Variants in AGR3 observed in about 807,000 individuals in gnomAD.
AGR3 encodes the protein anterior gradient 3, protein disulphide isomerase family member.
In AGR3, 37 loss-of-function variants were observed where a neutral mutation model predicts 24.5. That is an observed-to-expected ratio of 1.51 (90% CI 1.16 to 1.99). The LOEUF is 1.99. AGR3 is among the 30% of genes most tolerant of loss of function. The pLI, the probability that AGR3 is intolerant of heterozygous loss-of-function variation, is 0.00. For missense variants in AGR3, 228 were observed against 191.1 expected (o/e 1.19, Z -1.14); for synonymous variants, 75 against 61.6 (o/e 1.22, Z -1.02).
In AGR3 at chr7:16,864,442, T is replaced by A. The variant is rs1359950457; in HGVS notation, c.174-1780A>T. ...TTCACCCAGAGATTCCTCTGCAGAA[T>A]GTCCTCCGTTAAGCTGGGCTTCATC... On this transcript the variant is annotated intron_variant, in intron 3 of 7. Coordinates refer to ENST00000310398, the MANE Select transcript of AGR3 (RefSeq NM_176813.5). 4 of 1,301,708 alleles carry A rather than the reference T, an allele frequency of 3.1e-6. No homozygotes were observed. The African/African-American group carries it at 5.9e-5, about 19-fold the overall frequency. The allele number at this position is 1,301,708 out of a possible 1,614,324, so 80.6% of individuals were successfully genotyped here. A position where few individuals can be genotyped will look rare whatever the true frequency, so the allele number is the denominator to read the frequency against.
intron 3 of AGR3, chr7:16,864,742 G>T (rs561589652): frequency 6.6e-6 from 9 of 1,361,972 alleles, no homozygotes; most frequent in African/African-American, 4.3e-5. Context: ...TGTGTGCGAG[G>T]GTCAAAAACT....
intron 4 of AGR3, among the ~76,000 whole-genome samples, 198 bp from the exon 5 acceptor site, chr7:16,862,258 G>T (rs1354891387): frequency 6.6e-6 from 1 of 152,134 alleles, no homozygotes; most frequent in Non-Finnish European, 1.5e-5. Context: ...GACATCAAAG[G>T]ATAATCACAG....
intron 2 of AGR3, among the ~76,000 whole-genome samples, chr7:16,877,082 G>C (rs997180800): frequency 6.6e-6 from 1 of 151,736 alleles, no homozygotes; most frequent in Non-Finnish European, 1.5e-5. Context: ...TTGTGTGTTT[G>C]TTAAACTGAA....
intron 3 of AGR3, among the ~76,000 whole-genome samples, chr7:16,869,673 G>GTTT (rs71007797): frequency 4.0e-5 from 5 of 125,920 alleles, no homozygotes; most frequent in South Asian, 2.6e-4. Context: ...TTGTGAGTTT[G>GTTT]TTTTTTTTTT....
At chr7:16,860,884 T>C (rs945047108) in intron 6 of AGR3, among the ~76,000 whole-genome samples, 24 of 152,234 alleles carry the variant, frequency 1.6e-4, no homozygotes, top group Non-Finnish European at 2.1e-4. Flanking sequence ...CTCATATTTA[T>C]ATGTGTGAAC....
intron 3 of AGR3, among the ~76,000 whole-genome samples, chr7:16,863,707 A>G (rs1781692580): frequency 6.6e-6 from 1 of 151,944 alleles, no homozygotes; most frequent in Admixed American, 6.6e-5. Context: ...TAAATCTTAG[A>G]TATGCCACTG....
At chr7:16,869,442 G>T (rs1781822672) in intron 3 of AGR3, among the ~76,000 whole-genome samples, 1 of 152,050 alleles carries the variant, frequency 6.6e-6, no homozygotes, top group Admixed American at 6.6e-5. Context: ...TCAAGGTGAA[G>T]TGAGGCCTGG....
rs79103361 is a variant in AGR3, at chr7:16,865,179, C to A, written c.174-2517G>T. 3,880 of 745,776 alleles carry A rather than the reference C, an allele frequency of 5.2e-3. 104 individuals carry two copies. In the African/African-American group the frequency reaches 0.06, roughly 12 times the overall value. 46.2% of individuals were successfully genotyped at this position (745,776 alleles called of 1,614,324 possible). On this transcript the variant is annotated intron_variant, in intron 3 of 7. Coordinates refer to ENST00000310398, the MANE Select transcript of AGR3 (RefSeq NM_176813.5). ...TTGGACCTCTTGACTTTCAAAAACCCTATCAGTTTTTTTTCTTTGTTTTGA... is the reference window on the plus strand; with the variant it reads ...TTGGACCTCTTGACTTTCAAAAACCATATCAGTTTTTTTTCTTTGTTTTGA...
chr7:16,880,622 T>C (rs1476775723), intron 1 of AGR3, among the ~76,000 whole-genome samples: 2 of 145,372 alleles, frequency 1.4e-5, no homozygotes, highest in Admixed American at 1.4e-4. Context: ...TCCAGGCATA[T>C]AAAAACCCTG....
chr7:16,875,170 G>A (rs1013074683), intron 2 of AGR3, among the ~76,000 whole-genome samples: 22 of 150,796 alleles, frequency 1.5e-4, no homozygotes, highest in African/African-American at 4.6e-4. Context: ...GTATATCCAC[G>A]AAGTTGTGCA....
intron 3 of AGR3, among the ~76,000 whole-genome samples, chr7:16,868,527 T>C (rs1323214607): frequency 6.6e-6 from 1 of 152,170 alleles, no homozygotes; most frequent in Non-Finnish European, 1.5e-5. Context: ...CATTTTTGTT[T>C]TGTTATTGAG....
At chr7:16,860,429 C>A in intron 7 of AGR3, 71 bp downstream of exon 7, 1 of 1,147,656 alleles carries the variant, frequency 8.7e-7, no homozygotes, top group South Asian at 1.2e-5. Flanking sequence ...TGATGTAGGG[C>A]TTCACTAGCC....
Position 16,878,626 on chromosome 7 carries a change from A to G in AGR3, c.-8T>C, listed in dbSNP as rs1469080385. ...AGCTGAGTGTAGCATCATGTCTTCTAGAGACTCTCTCAGAAGAAGCTAGAT... is the reference window on the plus strand; with the variant it reads ...AGCTGAGTGTAGCATCATGTCTTCTGGAGACTCTCTCAGAAGAAGCTAGAT... On this transcript the variant is annotated 5_prime_UTR_variant, in exon 2 of 8. Coordinates refer to ENST00000310398, the MANE Select transcript of AGR3 (RefSeq NM_176813.5). 1.1e-5 allele frequency: 18 copies of G among 1,609,596 alleles called. No homozygotes were observed. The highest frequency in any genetic ancestry group is 5.0e-5 in the Admixed American group (3 of 59,928).
At chr7:16,871,209 A>C (rs111794490) in intron 3 of AGR3, among the ~76,000 whole-genome samples, 6 of 152,322 alleles carry the variant, frequency 3.9e-5, no homozygotes, top group African/African-American at 1.2e-4. Flanking sequence ...AAGCTTGTAT[A>C]CTGCCTAATA....
At chr7:16,876,063 G>A (rs998225467) in intron 2 of AGR3, among the ~76,000 whole-genome samples, 2 of 152,170 alleles carry the variant, frequency 1.3e-5, no homozygotes, top group African/African-American at 4.8e-5. Flanking sequence ...AGGAACATCT[G>A]CTGCATAACT....
At chr7:16,871,837 T>C (rs1409054642) in intron 3 of AGR3, among the ~76,000 whole-genome samples, 2 of 151,782 alleles carry the variant, frequency 1.3e-5, no homozygotes, top group African/African-American at 2.4e-5. Flanking sequence ...CAAGACTCCA[T>C]CTCAAAAAAA....
intron 1 of AGR3, among the ~76,000 whole-genome samples, chr7:16,880,136 C>T (rs565020322): frequency 1.5e-5 from 2 of 136,928 alleles, no homozygotes; most frequent in Non-Finnish European, 3.2e-5. Context: ...TCCTCTTTCT[C>T]TCTCTCTTTC....
intron 3 of AGR3, chr7:16,865,667 T>C (rs2115303620): frequency 2.5e-6 from 2 of 802,354 alleles, no homozygotes; most frequent in Non-Finnish European, 4.5e-6. Flanking sequence ...TCTCAGATGA[T>C]CTCCAAGCAT....
intron 3 of AGR3, among the ~76,000 whole-genome samples, chr7:16,867,021 G>A (rs530900016): frequency 1.3e-5 from 2 of 152,104 alleles, no homozygotes; most frequent in African/African-American, 4.8e-5. Context: ...GGCCAGGGGA[G>A]CATCTACAGG....
Sources: allele counts gnomAD v4.1 joint callset (sites outside exome capture counted in the v4.1 genomes callset), GRCh38; gene constraint gnomAD v4.1.1; transcripts MANE v1.5; gene names NCBI Gene and HGNC (gene_info 2026-07-23, HGNC 2026-07-21).